PIEZO1: variants seen among roughly 807,000 people sequenced by gnomAD.
PIEZO1 encodes piezo type mechanosensitive ion channel component 1 (Er blood group), also known as piezo-type mechanosensitive ion channel component 1.
In PIEZO1, 296 loss-of-function variants were observed where a neutral mutation model predicts 297.2. The observed-to-expected ratio is 1.00, with a 90% CI of 0.91 to 1.10. PIEZO1 has a LOEUF of 1.10. Among genes scored for constraint, PIEZO1 ranks in the 50% least tolerant of loss-of-function variants. The pLI, the probability that PIEZO1 is intolerant of heterozygous loss-of-function variation, is 0.00. For synonymous variants in PIEZO1, 2,427 were observed against 1,507.5 expected (o/e 1.61, Z -14.13); for missense variants, 5,018 against 3,455.5 (o/e 1.45, Z -11.34).
At chr16:88,735,308 G>A in intron 12 of PIEZO1, 62 bp from the exon 13 acceptor site, 1 of 1,211,914 alleles carries the variant, frequency 8.3e-7, no homozygotes. Flanking sequence ...CACAGCCGGG[G>A]GACCCAGCAC....
intron 29 of PIEZO1, 143 bp from the exon 30 acceptor site, chr16:88,725,223 C>G: frequency 1.4e-6 from 1 of 711,090 alleles, no homozygotes. Context: ...GGCCATGGGG[C>G]TCAGAGCCCA....
chr16:88,749,052 A>G (rs1402708611), intron 2 of PIEZO1, among the ~76,000 whole-genome samples: 1 of 151,288 alleles, frequency 6.6e-6, no homozygotes, highest in East Asian at 1.9e-4. Flanking sequence ...CCTGGCTATC[A>G]CGGTGAAACC....
chr16:88,732,246 G>T, intron 21 of PIEZO1, 89 bp downstream of exon 21: 4 of 1,192,022 alleles, frequency 3.4e-6, no homozygotes, highest in South Asian at 2.8e-5. Context: ...CCCAGGTGGG[G>T]CCAGGCTTGC....
Position 88,736,794 on chromosome 16 carries a change from C to A in PIEZO1, c.1196-55G>T, listed in dbSNP as rs113065394. The A allele has an allele frequency of 5.7e-5, 62 of 1,097,052 alleles. 2 individuals are homozygous for A. In the African/African-American group the frequency reaches 6.4e-4, roughly 11 times the overall value. 68.0% of individuals were successfully genotyped at this position (1,097,052 alleles called of 1,614,324 possible). On this transcript the variant is annotated intron_variant, in intron 10 of 50. Transcript: ENST00000301015. ...CAGGTTGATCTGCAGGCCTCCCCAC[C>A]CTGACTATGCCCTAAAATCTGGGCC...
intron 22 of PIEZO1, among the ~76,000 whole-genome samples, chr16:88,728,498 C>G (rs1292353689): frequency 2.1e-5 from 3 of 145,328 alleles, no homozygotes; most frequent in Non-Finnish European, 4.5e-5. Flanking sequence ...TGCTGGGGAA[C>G]CCAGGACATG....
chr16:88,778,124 T>G (rs1211841593), intron 1 of PIEZO1, among the ~76,000 whole-genome samples: 1 of 152,180 alleles, frequency 6.6e-6, no homozygotes, highest in Non-Finnish European at 1.5e-5. Context: ...ACCCCAGCAC[T>G]GCGGGGGTCC....
intron 2 of PIEZO1, among the ~76,000 whole-genome samples, chr16:88,747,231 GAAA>G (rs59177269): frequency 1.6e-5 from 2 of 121,594 alleles, no homozygotes; most frequent in Admixed American, 8.5e-5. Context: ...ACCCCCACTC[GAAA>G]AAAAAAAAAA....
In PIEZO1 at chr16:88,723,212, G is replaced by A. The variant is rs747029317; in HGVS notation, c.4438+14C>T. Reference sequence around the variant, plus strand: ...CGCGGCTTCCCCTCAGAGTCCCCACGCCCCCCAGCTCACCTGTGGGTAGCT... The same window carrying A: ...CGCGGCTTCCCCTCAGAGTCCCCACACCCCCCAGCTCACCTGTGGGTAGCT... On this transcript the variant is annotated intron_variant, in intron 32 of 50. Coordinates refer to ENST00000301015, the MANE Select transcript of PIEZO1 (RefSeq NM_001142864.4). The A allele has an allele frequency of 6.8e-4, 1,047 of 1,548,254 alleles. 1 individual carries two copies. Among genetic ancestry groups the A allele is most frequent in the Non-Finnish European group, 8.7e-4 (997 of 1,146,814 alleles).
rs1488903048 is a variant in PIEZO1, at chr16:88,734,032, G to T, written c.2203C>A (p.Pro735Thr). 3.2e-6 allele frequency: 5 copies of T among 1,540,008 alleles called. No homozygotes were observed. Among genetic ancestry groups the T allele is most frequent in the East Asian group, 2.5e-5 (1 of 40,806 alleles). ...TCCTGCTGCTCCTCCCGCAGCAGTG[G>T]GGTCCCACTCACTGCATCCTGCCTG... ...AHRQDAVSGTPLLREEQQEHQ... is the reference protein window; with the variant it reads ...AHRQDAVSGTTLLREEQQEHQ... The change falls in exon 17 of 51, where the codon CCA becomes ACA. Residue 735 changes from proline to threonine, a missense_variant. Pro to Thr is a conservative substitution (Grantham distance 38). Coordinates refer to ENST00000301015, the MANE Select transcript of PIEZO1 (RefSeq NM_001142864.4).
At chr16:88,748,968 T>TAA (rs1906218629) in intron 2 of PIEZO1, among the ~76,000 whole-genome samples, 1 of 128,364 alleles carries the variant, frequency 7.8e-6, no homozygotes, top group African/African-American at 3.0e-5. Flanking sequence ...CCGGGCGCGG[T>TAA]GGCTCACGTC....
intron 1 of PIEZO1, among the ~76,000 whole-genome samples, chr16:88,764,931 T>A (rs539849998): frequency 6.6e-6 from 1 of 152,212 alleles, no homozygotes; most frequent in East Asian, 1.9e-4. Context: ...AAGGGCTTCC[T>A]AAGAAGCCTG....
At chr16:88,734,137 C>T (rs574721936) in intron 16 of PIEZO1, 83 bp from the exon 17 acceptor site, 9 of 1,441,692 alleles carry the variant, frequency 6.2e-6, no homozygotes, top group South Asian at 2.8e-5. Flanking sequence ...CTGTCGGCAC[C>T]GCTTCTGCTG....
At chr16:88,763,693 C>T (rs1343451643) in intron 1 of PIEZO1, among the ~76,000 whole-genome samples, 2 of 152,172 alleles carry the variant, frequency 1.3e-5, no homozygotes, top group Non-Finnish European at 2.9e-5. Context: ...AGGGAGTGGA[C>T]AGCACATTCC....
At chr16:88,722,485 T>C in intron 35 of PIEZO1, 88 bp from the exon 36 acceptor site, 1 of 1,434,064 alleles carries the variant, frequency 7.0e-7, no homozygotes, top group Non-Finnish European at 9.3e-7. Flanking sequence ...GTGCCCACGG[T>C]CCTTTGGGGT....
Position 88,765,329 on chromosome 16 carries a change from C to A in PIEZO1, c.65-15850G>T, listed in dbSNP as rs533130607. Among the ~76,000 whole-genome samples, 87 of 152,304 alleles carry A rather than the reference C, an allele frequency of 5.7e-4. No individual in the cohort carries two copies. In the South Asian group the frequency reaches 0.018, roughly 31 times the overall value. On this transcript the variant is annotated intron_variant, in intron 1 of 50. Transcript: ENST00000301015. ...ACACTCCCTTCAGAACCTTGCTTCC[C>A]CTTCCCCCCAGGCCACTGGGACAGG...
At chr16:88,749,188 A>G (rs572770223) in intron 2 of PIEZO1, among the ~76,000 whole-genome samples, 196 bp downstream of exon 2, 1 of 151,394 alleles carries the variant, frequency 6.6e-6, no homozygotes, top group Admixed American at 6.6e-5. Flanking sequence ...TGCAGTGAGC[A>G]GAGATCGCGC....
rs771989100 is a variant in PIEZO1 at position 88,735,052 on chromosome 16, C to T, written c.1671G>A (p.Glu557=). The change falls in exon 14 of 51, where the codon GAG becomes GAA. Residue 557 remains glutamate, a splice_region_variant and synonymous_variant. Coordinates refer to ENST00000301015, the MANE Select transcript of PIEZO1 (RefSeq NM_001142864.4). Reference sequence around the variant, plus strand: ...GCAACAGCGTCTGCGTCCGCGTGGGCTCTGTGGGCCAAGCCAGGGGCAGGC... The same window carrying T: ...GCAACAGCGTCTGCGTCCGCGTGGGTTCTGTGGGCCAAGCCAGGGGCAGGC... The part of the protein sequence containing the change: ...ALTEVTVADT[E]PTRTQTLLQS... 9.9e-5 allele frequency: 153 copies of T among 1,550,336 alleles called. No homozygotes were observed. The highest frequency in any genetic ancestry group is 8.3e-4 in the Middle Eastern group (5 of 5,992).
chr16:88,743,574 T>C (rs1484459091), intron 2 of PIEZO1: 1 of 456,682 alleles, frequency 2.2e-6, no homozygotes, highest in East Asian at 6.9e-5. Flanking sequence ...ACTCAGGGCC[T>C]GTGTCCACTC....
intron 1 of PIEZO1, among the ~76,000 whole-genome samples, chr16:88,773,052 T>C (rs1294463864): frequency 6.6e-6 from 1 of 152,232 alleles, no homozygotes; most frequent in Admixed American, 6.5e-5. Context: ...CAGAAGCTTC[T>C]GGCACTCCAG....
Sources: allele counts gnomAD v4.1 joint callset (sites outside exome capture counted in the v4.1 genomes callset), GRCh38; gene constraint gnomAD v4.1.1; transcripts MANE v1.5; gene names NCBI Gene and HGNC (gene_info 2026-07-23, HGNC 2026-07-21).